The following DLG2 variants were observed in gnomAD, a reference collection of about 807,000 sequenced individuals.
The protein encoded by DLG2 is discs large MAGUK scaffold protein 2.
A neutral mutation model predicts 132.5 loss-of-function variants in DLG2; 45 were observed. The observed-to-expected ratio is 0.34, with a 90% CI of 0.27 to 0.44. DLG2 has a LOEUF of 0.44. Ranked by LOEUF, DLG2 falls within the 20% of genes least tolerant of loss-of-function variation. The probability of loss-of-function intolerance (pLI) is 1.00; values close to 1 mark genes in which losing one functional copy is unlikely to be tolerated. For synonymous variants in DLG2, 424 were observed against 419.6 expected (o/e 1.01, Z -0.13); for missense variants, 1,045 against 1,196.9 (o/e 0.87, Z 1.87).
At chr11:83,594,794 A>G (rs2057281072) in intron 19 of DLG2, among the ~76,000 whole-genome samples, 1 of 152,186 alleles carries the variant, frequency 6.6e-6, no homozygotes. Flanking sequence ...GAAGGTTTGT[A>G]TGGAATTTCT....
intron 4 of DLG2, among the ~76,000 whole-genome samples, chr11:85,248,436 C>A (rs1011234011): frequency 6.6e-6 from 1 of 151,500 alleles, no homozygotes; most frequent in East Asian, 1.9e-4. Context: ...ATTTTTTTTA[C>A]CTTTTAAAAA....
intron 17 of DLG2, among the ~76,000 whole-genome samples, chr11:83,791,839 G>C (rs139521130): frequency 6.6e-6 from 1 of 152,198 alleles, no homozygotes; most frequent in African/African-American, 2.4e-5. Context: ...CCTCCAGCAA[G>C]TCCTTCTCCC....
chr11:84,018,918 A>G (rs573618374), intron 11 of DLG2, among the ~76,000 whole-genome samples: 1 of 152,186 alleles, frequency 6.6e-6, no homozygotes, highest in East Asian at 1.9e-4. Flanking sequence ...TCCAGCTTAA[A>G]ACATAAAGGA....
chr11:84,374,969 A>G (rs917914315), intron 7 of DLG2, among the ~76,000 whole-genome samples: 2 of 152,164 alleles, frequency 1.3e-5, no homozygotes, highest in African/African-American at 4.8e-5. Flanking sequence ...TCCTGTCTCT[A>G]CAAATGTGCT....
chr11:85,577,078 A>G (rs1457942055), intron 3 of DLG2, among the ~76,000 whole-genome samples: 12 of 152,204 alleles, frequency 7.9e-5, no homozygotes, highest in Admixed American at 7.9e-4. Context: ...GATTCAGATT[A>G]TGTAAGGCCT....
At chr11:85,360,245 A>G (rs2084042829) in intron 3 of DLG2, among the ~76,000 whole-genome samples, 1 of 152,222 alleles carries the variant, frequency 6.6e-6, no homozygotes, top group Non-Finnish European at 1.5e-5. Context: ...CTGAGAATAT[A>G]GGCTGTAATG....
chr11:84,904,289 T>C (rs1202407986), intron 6 of DLG2, among the ~76,000 whole-genome samples: 1 of 152,148 alleles, frequency 6.6e-6, no homozygotes, highest in African/African-American at 2.4e-5. Flanking sequence ...TTCTTCAAGA[T>C]CACATTTTCT....
chr11:84,448,671 C>G (rs1022563215), intron 7 of DLG2, among the ~76,000 whole-genome samples: 7 of 151,930 alleles, frequency 4.6e-5, no homozygotes, highest in African/African-American at 1.4e-4. Flanking sequence ...CCAGACAGAG[C>G]CAGTAACTCT....
At chr11:84,736,601 T>G (rs1395855213) in intron 6 of DLG2, among the ~76,000 whole-genome samples, 1 of 152,002 alleles carries the variant, frequency 6.6e-6, no homozygotes, top group East Asian at 1.9e-4. Flanking sequence ...GTACTGATTT[T>G]TTTCACATAT....
At chr11:85,508,874 G>C (rs187516875) in intron 3 of DLG2, among the ~76,000 whole-genome samples, 58 of 151,996 alleles carry the variant, frequency 3.8e-4, no homozygotes, top group Admixed American at 8.5e-4. Context: ...TTATTAACTT[G>C]TTATCTAATC....
chr11:83,829,993 G>A (rs756029911), intron 17 of DLG2, among the ~76,000 whole-genome samples: 20 of 152,070 alleles, frequency 1.3e-4, no homozygotes, highest in Non-Finnish European at 2.5e-4. Flanking sequence ...GAGAACATGC[G>A]GTGTTTCGTT....
At chr11:84,861,948 A>T (rs945755493) in intron 6 of DLG2, among the ~76,000 whole-genome samples, 12 of 149,318 alleles carry the variant, frequency 8.0e-5, no homozygotes, top group African/African-American at 2.9e-4. Flanking sequence ...AAAAAACCAA[A>T]CACCGCATAT....
chr11:84,660,629 G>A (rs185959430), intron 6 of DLG2, among the ~76,000 whole-genome samples: 4 of 152,230 alleles, frequency 2.6e-5, no homozygotes, highest in Non-Finnish European at 5.9e-5. Flanking sequence ...GTTTGAACTA[G>A]ACTATGATGG....
At chr11:84,297,130 G>GA (rs1371157932) in intron 7 of DLG2, among the ~76,000 whole-genome samples, 7 of 146,578 alleles carry the variant, frequency 4.8e-5, no homozygotes, top group Non-Finnish European at 9.0e-5. Context: ...CAAAGAATTT[G>GA]AAAAAAAAAA....
intron 6 of DLG2, among the ~76,000 whole-genome samples, chr11:84,968,279 G>C (rs913310792): frequency 6.6e-6 from 1 of 152,092 alleles, no homozygotes; most frequent in Non-Finnish European, 1.5e-5. Context: ...ATAAATATTT[G>C]TGTATATGTA....
chr11:83,587,589 T>C (rs1168333334), intron 19 of DLG2, among the ~76,000 whole-genome samples: 1 of 152,216 alleles, frequency 6.6e-6, no homozygotes, highest in Non-Finnish European at 1.5e-5. Flanking sequence ...TTAGAATTTA[T>C]ATATAGAGAG....
rs571538137 is a variant in DLG2 at position 84,642,889 on chromosome 11, T to C, written c.358-108158A>G. On this transcript the variant is annotated intron_variant, in intron 6 of 27. Coordinates refer to ENST00000376104, the MANE Select transcript of DLG2 (RefSeq NM_001142699.3). ...GAAACCCCAGAGAGCACCTGCAAATTGATTTAGCTATTTTAAAAGAATCAA... is the reference window on the plus strand; with the variant it reads ...GAAACCCCAGAGAGCACCTGCAAATCGATTTAGCTATTTTAAAAGAATCAA... Among the ~76,000 whole-genome samples the C allele has an allele frequency of 5.1e-3, 778 of 152,328 alleles. 3 individuals are homozygous for C. The highest frequency in any genetic ancestry group is 8.7e-3 in the Non-Finnish European group (593 of 68,016).
In DLG2 at chr11:84,758,686, T is replaced by C. The variant is rs1056551119; in HGVS notation, c.358-223955A>G. On this transcript the variant is annotated intron_variant, in intron 6 of 27. Transcript: ENST00000376104. ...ATGCTATTTAGTTTACAAAACGTTTTCATGTTCTGATTCAAATTAATATTA... is the reference window on the plus strand; with the variant it reads ...ATGCTATTTAGTTTACAAAACGTTTCCATGTTCTGATTCAAATTAATATTA... Among the ~76,000 whole-genome samples the C allele has an allele frequency of 3.9e-5, 6 of 152,186 alleles. No individual in the cohort carries two copies. In the South Asian group the frequency reaches 1.2e-3, roughly 31 times the overall value.
chr11:84,836,445 A>G (rs142086341), intron 6 of DLG2, among the ~76,000 whole-genome samples: 6 of 151,782 alleles, frequency 4.0e-5, no homozygotes. Flanking sequence ...AAAAATTGAT[A>G]AAGTCATCCA....
Sources: gnomAD v4.1 joint callset for allele counts (sites outside exome capture counted in the v4.1 genomes callset) on GRCh38, gnomAD v4.1.1 for gene constraint, MANE v1.5 for transcripts, NCBI Gene and HGNC (gene_info 2026-07-23, HGNC 2026-07-21) for gene names.